MYT1L: variants seen among roughly 807,000 people sequenced by gnomAD.
The protein encoded by MYT1L is myelin transcription factor 1 like.
MYT1L carries 12 observed loss-of-function variants against 126.7 expected under a neutral mutation model. That is an observed-to-expected ratio of 0.09 (90% CI 0.06 to 0.15). MYT1L has a LOEUF of 0.15. Ranked by LOEUF, MYT1L falls within the 10% of genes least tolerant of loss-of-function variation. The pLI is 1.00. For synonymous variants in MYT1L, 541 were observed against 604.2 expected, an observed-to-expected ratio of 0.90 and a Z score of 1.53; for missense variants, 979 against 1,585.2, an observed-to-expected ratio of 0.62 and a Z score of 6.49.
At chr2:2,250,719 A>G (rs963746795) in intron 2 of MYT1L, among the ~76,000 whole-genome samples, 3 of 152,124 alleles carry the variant, frequency 2.0e-5, no homozygotes, top group Non-Finnish European at 4.4e-5. Context: ...CCAATTCTCC[A>G]TGATTTGATT....
intron 22 of MYT1L, among the ~76,000 whole-genome samples, chr2:1,808,869 G>A (rs1389076410): frequency 6.6e-6 from 1 of 152,222 alleles, no homozygotes; most frequent in Non-Finnish European, 1.5e-5. Flanking sequence ...CCGGTGAGCA[G>A]TGAAATCGGT....
intron 1 of MYT1L, chr2:2,326,845 T>C (rs1337853744): frequency 6.6e-6 from 1 of 152,156 alleles, no homozygotes; most frequent in Non-Finnish European, 1.5e-5. Context: ...AATCACTGTG[T>C]ATGCTTGAAC....
At chr2:1,941,872 G>A (rs1047855297) in intron 9 of MYT1L, among the ~76,000 whole-genome samples, 2 of 152,056 alleles carry the variant, frequency 1.3e-5, no homozygotes, top group Non-Finnish European at 2.9e-5. Flanking sequence ...ATAAAATTCA[G>A]GTTTCCTAGT....
chr2:2,256,887 T>A (rs2094826737), intron 2 of MYT1L, among the ~76,000 whole-genome samples: 1 of 152,188 alleles, frequency 6.6e-6, no homozygotes, highest in Non-Finnish European at 1.5e-5. Context: ...TATGAGAGTG[T>A]GCATGTGTGT....
chr2:2,199,699 T>C (rs1255712981), intron 2 of MYT1L, among the ~76,000 whole-genome samples: 1 of 152,222 alleles, frequency 6.6e-6, no homozygotes, highest in Non-Finnish European at 1.5e-5. Flanking sequence ...ACCTTGGGTC[T>C]TACTGATGGA....
At chr2:2,285,501 T>C (rs2095507089) in intron 1 of MYT1L, among the ~76,000 whole-genome samples, 1 of 152,246 alleles carries the variant, frequency 6.6e-6, no homozygotes, top group Admixed American at 6.5e-5. Flanking sequence ...TTCGTTCCAA[T>C]TTTAGCAGTT....
intron 2 of MYT1L, among the ~76,000 whole-genome samples, chr2:2,231,997 A>G (rs1186210072): frequency 6.6e-6 from 1 of 152,226 alleles, no homozygotes; most frequent in Non-Finnish European, 1.5e-5. Context: ...ATACCTAAAA[A>G]TTGATACTGC....
Position 1,912,854 on chromosome 2 carries a change from C to G in MYT1L, c.1619-744G>C, listed in dbSNP as rs2052252044. On this transcript the variant is annotated intron_variant, in intron 11 of 24. Coordinates refer to ENST00000647738, the MANE Select transcript of MYT1L (RefSeq NM_001303052.2). The surrounding 1 kb of genome is among the most constrained non-coding windows in gnomAD (Gnocchi z 4.3). ...AATTTTCCCAGCAGTGGTGTTGGAC[C>G]TGAATTATTTGTGTCTTCCTTCTTT... Among the ~76,000 whole-genome samples, 1 of 152,102 alleles carries G rather than the reference C, an allele frequency of 6.6e-6. No homozygotes were observed. The highest frequency in any genetic ancestry group is 2.4e-5 in the African/African-American group (1 of 41,412).
rs142487495 is a variant in MYT1L at position 2,015,706 on chromosome 2, G to T, written c.-157-18359C>A. ...GGAGAAGCCTGTGAGGCAAGGGAAG[G>T]AGGGGGCGGGAGGAACTTCCCACCA... On this transcript the variant is annotated intron_variant, in intron 4 of 24. Coordinates refer to ENST00000647738, the MANE Select transcript of MYT1L (RefSeq NM_001303052.2). 4.4e-3 allele frequency among the ~76,000 whole-genome samples: 676 copies of T among 152,306 alleles called. 4 individuals are homozygous for T. The highest frequency in any genetic ancestry group is 0.015 in the African/African-American group (637 of 41,574).
At chr2:1,956,049 GT>G (rs2058313734) in intron 8 of MYT1L, among the ~76,000 whole-genome samples, 1 of 151,730 alleles carries the variant, frequency 6.6e-6, no homozygotes, top group Non-Finnish European at 1.5e-5. Context: ...ATGTATCTAT[GT>G]ATCTATCTAT....
At chr2:2,030,519 G>T (rs1330019659) in intron 4 of MYT1L, among the ~76,000 whole-genome samples, 3 of 152,082 alleles carry the variant, frequency 2.0e-5, no homozygotes, top group African/African-American at 7.2e-5. Context: ...CCTATTATTT[G>T]CCAGCTATTG....
At chr2:2,286,341 C>G (rs563951784) in intron 1 of MYT1L, among the ~76,000 whole-genome samples, 1 of 152,254 alleles carries the variant, frequency 6.6e-6, no homozygotes, top group African/African-American at 2.4e-5. Context: ...GGCTCACACA[C>G]AGAAACTTTC....
intron 15 of MYT1L, 32 bp downstream of exon 15, chr2:1,892,005 C>A (rs1488415463): frequency 1.3e-6 from 2 of 1,481,684 alleles, no homozygotes; most frequent in Admixed American, 4.3e-5. Context: ...CCCCCACCCG[C>A]CAGGTGGCTC....
At chr2:2,090,171 G>A (rs927882986) in intron 3 of MYT1L, among the ~76,000 whole-genome samples, 1 of 152,178 alleles carries the variant, frequency 6.6e-6, no homozygotes, top group African/African-American at 2.4e-5. Context: ...AGTTTCCTGA[G>A]ATGCTCTGCT....
intron 1 of MYT1L, among the ~76,000 whole-genome samples, chr2:2,304,387 G>A (rs961462967): frequency 2.0e-5 from 3 of 152,156 alleles, no homozygotes; most frequent in Non-Finnish European, 4.4e-5. Context: ...GGATAGGCAG[G>A]GCTTAGCAGG....
chr2:2,030,764 G>A (rs2066146481), intron 4 of MYT1L, among the ~76,000 whole-genome samples: 1 of 152,126 alleles, frequency 6.6e-6, no homozygotes, highest in Non-Finnish European at 1.5e-5. Context: ...AGGTGACAAG[G>A]AATTATGTCT....
chr2:1,956,319 CTA>C (rs1553355022), intron 8 of MYT1L, among the ~76,000 whole-genome samples: 6 of 149,326 alleles, frequency 4.0e-5, no homozygotes, highest in South Asian at 4.2e-4. Flanking sequence ...ATTTCCTATT[CTA>C]TGTGTCCTAT....
At chr2:1,951,350 G>T (rs1258228383) in intron 8 of MYT1L, among the ~76,000 whole-genome samples, 1 of 152,036 alleles carries the variant, frequency 6.6e-6, no homozygotes, top group Non-Finnish European at 1.5e-5. Flanking sequence ...CCAGCAGAGG[G>T]GACAGAGATG....
chr2:2,252,552 T>C (rs1041089274), intron 2 of MYT1L, among the ~76,000 whole-genome samples: 2 of 152,238 alleles, frequency 1.3e-5, no homozygotes, highest in Non-Finnish European at 2.9e-5. Context: ...ATTCTTATTT[T>C]AATTCTATAA....
Sources: allele counts gnomAD v4.1 joint callset (sites outside exome capture counted in the v4.1 genomes callset), GRCh38; gene constraint gnomAD v4.1.1; non-coding constraint Gnocchi (gnomAD v3.1); transcripts MANE v1.5; gene names NCBI Gene and HGNC (gene_info 2026-07-23, HGNC 2026-07-21).